PCED1B: variants seen among roughly 807,000 people sequenced by gnomAD.
PCED1B encodes the protein PC-esterase domain containing 1B.
For missense variants in PCED1B, 573 were observed against 573.9 expected, an observed-to-expected ratio of 1.00 and a Z score of 0.02; for synonymous variants, 251 against 246.1, an observed-to-expected ratio of 1.02 and a Z score of -0.19.
At chr12:47,228,300 T>A (rs1160955165) in intron 3 of PCED1B, among the ~76,000 whole-genome samples, 1 of 152,104 alleles carries the variant, frequency 6.6e-6, no homozygotes, top group Non-Finnish European at 1.5e-5. Flanking sequence ...AGTGTAGAGA[T>A]TACAGGCATG....
At chr12:47,206,965 A>G (rs1458235625) in intron 2 of PCED1B, among the ~76,000 whole-genome samples, 6 of 152,222 alleles carry the variant, frequency 3.9e-5, no homozygotes, top group African/African-American at 1.4e-4. Context: ...TCGAATGGCC[A>G]GGGACTTTGA....
chr12:47,178,347 T>G (rs979567001), intron 2 of PCED1B, among the ~76,000 whole-genome samples: 2 of 152,110 alleles, frequency 1.3e-5, no homozygotes, highest in Admixed American at 6.5e-5. Context: ...TGTGGACAAG[T>G]GCAAAGCACC....
intron 3 of PCED1B, among the ~76,000 whole-genome samples, chr12:47,228,726 A>G (rs1943708993): frequency 6.6e-6 from 1 of 151,828 alleles, no homozygotes; most frequent in South Asian, 2.1e-4. Context: ...TACAAAAATT[A>G]GCCGGGCATG....
At chr12:47,224,316 C>T (rs1388655204) in intron 3 of PCED1B, among the ~76,000 whole-genome samples, 3 of 152,206 alleles carry the variant, frequency 2.0e-5, no homozygotes, top group African/African-American at 7.2e-5. Flanking sequence ...CTAAGAACCA[C>T]CACTTCATTC....
At chr12:47,168,413 T>C (rs1941613627) in intron 2 of PCED1B, among the ~76,000 whole-genome samples, 1 of 152,214 alleles carries the variant, frequency 6.6e-6, no homozygotes, top group African/African-American at 2.4e-5. Flanking sequence ...CTCTCTCTTA[T>C]TTCTTATCTT....
chr12:47,103,184 T>C (rs1049365737), intron 1 of PCED1B, among the ~76,000 whole-genome samples: 2 of 152,192 alleles, frequency 1.3e-5, no homozygotes, highest in Non-Finnish European at 2.9e-5. Flanking sequence ...CATGACTCTT[T>C]GGAGTTATTA....
intron 1 of PCED1B, among the ~76,000 whole-genome samples, chr12:47,094,729 C>T (rs1012735663): frequency 6.6e-6 from 1 of 152,042 alleles, no homozygotes; most frequent in Non-Finnish European, 1.5e-5. Flanking sequence ...CTTTTTGCCA[C>T]ACATCTTAGT....
chr12:47,189,600 A>T (rs1942381641), intron 2 of PCED1B, among the ~76,000 whole-genome samples: 1 of 152,194 alleles, frequency 6.6e-6, no homozygotes. Context: ...GCTTTCTGCT[A>T]CCGCTAACAT....
intron 1 of PCED1B, among the ~76,000 whole-genome samples, chr12:47,090,319 C>T (rs1299344628): frequency 6.6e-6 from 1 of 152,152 alleles, no homozygotes; most frequent in African/African-American, 2.4e-5. Flanking sequence ...AGAAAAAAGC[C>T]AGTGCCCAGA....
chr12:47,159,121 C>T (rs1941289071), intron 2 of PCED1B, among the ~76,000 whole-genome samples: 1 of 151,990 alleles, frequency 6.6e-6, no homozygotes, highest in Non-Finnish European at 1.5e-5. Flanking sequence ...GTATATATGC[C>T]ACATTTTATT....
chr12:47,082,139 A>G (rs900432099), intron 1 of PCED1B, among the ~76,000 whole-genome samples: 1 of 152,222 alleles, frequency 6.6e-6, no homozygotes, highest in African/African-American at 2.4e-5. Flanking sequence ...TTATCTTTCT[A>G]GCATCCCTTC....
intron 2 of PCED1B, among the ~76,000 whole-genome samples, chr12:47,189,557 A>G (rs546434981): frequency 2.0e-5 from 3 of 152,282 alleles, no homozygotes; most frequent in South Asian, 2.1e-4. Flanking sequence ...AGTTTACAAG[A>G]TCCCTGAACA....
At chr12:47,106,813 C>T (rs1370528423) in intron 2 of PCED1B, among the ~76,000 whole-genome samples, 2 of 152,060 alleles carry the variant, frequency 1.3e-5, no homozygotes, top group Non-Finnish European at 2.9e-5. Context: ...TCAGTCTCTG[C>T]CTCTCATCCA....
At chr12:47,151,601 G>A (rs1271404932) in intron 2 of PCED1B, among the ~76,000 whole-genome samples, 1 of 152,218 alleles carries the variant, frequency 6.6e-6, no homozygotes, top group Non-Finnish European at 1.5e-5. Flanking sequence ...TGACAAGCTG[G>A]AGTCTCAGGA....
At chr12:47,117,214 A>C (rs986232925) in intron 2 of PCED1B, among the ~76,000 whole-genome samples, 3 of 152,046 alleles carry the variant, frequency 2.0e-5, no homozygotes, top group African/African-American at 7.2e-5. Flanking sequence ...TTTTTTTATT[A>C]TACTTTAAGT....
intron 1 of PCED1B, among the ~76,000 whole-genome samples, chr12:47,089,461 C>CATGTGTATATATATATATAT (rs1233280547): frequency 6.3e-5 from 4 of 63,414 alleles, no homozygotes; most frequent in Non-Finnish European, 1.2e-4. Context: ...AAAAAAAATA[C>CATGTGTATATATATATATAT]ATATATATAT....
intron 2 of PCED1B, among the ~76,000 whole-genome samples, chr12:47,167,714 C>A (rs968717774): frequency 6.6e-6 from 1 of 152,134 alleles, no homozygotes; most frequent in East Asian, 1.9e-4. Context: ...ATAATAAATT[C>A]TCTTATTGTT....
intron 3 of PCED1B, among the ~76,000 whole-genome samples, chr12:47,220,951 G>A (rs1943458247): frequency 6.6e-6 from 1 of 152,088 alleles, no homozygotes; most frequent in Non-Finnish European, 1.5e-5. Context: ...CAAACCCTAT[G>A]GTTCCCTGCG....
In PCED1B at chr12:47,107,518, A is replaced by G. The variant is rs543283374; in HGVS notation, c.-526+3323A>G. Among the ~76,000 whole-genome samples the G allele has an allele frequency of 2.0e-5, 3 of 152,368 alleles. No homozygotes were observed. The East Asian group carries it at 5.8e-4, about 29-fold the overall frequency. Reference sequence around the variant, plus strand: ...CATTTTCCCAGAAGAAGCAGAAAGTATAATGCATCGAAGTTAGAGCACTAG... The same window carrying G: ...CATTTTCCCAGAAGAAGCAGAAAGTGTAATGCATCGAAGTTAGAGCACTAG... On this transcript the variant is annotated intron_variant, in intron 2 of 3. Coordinates refer to ENST00000546455, the MANE Select transcript of PCED1B (RefSeq NM_138371.3).
Sources: gnomAD v4.1 joint callset for allele counts (sites outside exome capture counted in the v4.1 genomes callset) on GRCh38, gnomAD v4.1.1 for gene constraint, MANE v1.5 for transcripts, NCBI Gene and HGNC (gene_info 2026-07-23, HGNC 2026-07-21) for gene names.